SCEL: variants seen among roughly 807,000 people sequenced by gnomAD.
SCEL encodes sciellin.
A neutral mutation model predicts 117.6 loss-of-function variants in SCEL; 113 were observed. The ratio of observed to expected loss-of-function variants is 0.96; its 90% confidence interval spans 0.83 to 1.12. The LOEUF (loss-of-function observed/expected upper bound fraction) is 1.12. SCEL is among the 50% of genes most tolerant of loss of function. SCEL has a pLI of 0.00. For missense variants in SCEL, 785 were observed against 810.8 expected (o/e 0.97, Z 0.39); for synonymous variants, 270 against 256.2 (o/e 1.05, Z -0.51).
intron 1 of SCEL, among the ~76,000 whole-genome samples, chr13:77,541,795 G>A (rs943090367): frequency 1.3e-5 from 2 of 152,096 alleles, no homozygotes; most frequent in African/African-American, 4.8e-5. Context: ...AATATAGTGA[G>A]AAAGATTTAT....
intron 22 of SCEL, among the ~76,000 whole-genome samples, chr13:77,610,408 C>T (rs571798912): frequency 3.4e-5 from 5 of 147,204 alleles, no homozygotes; most frequent in African/African-American, 1.3e-4. Context: ...GCCGAGATGG[C>T]ACCACTGCAC....
At chr13:77,591,728 C>T (rs1450003409) in intron 11 of SCEL, among the ~76,000 whole-genome samples, 1 of 152,130 alleles carries the variant, frequency 6.6e-6, no homozygotes, top group Non-Finnish European at 1.5e-5. Context: ...GGAAAGCTTG[C>T]TCACCTCTTT....
intron 27 of SCEL, among the ~76,000 whole-genome samples, chr13:77,622,198 A>G (rs1174476005): frequency 6.6e-6 from 1 of 152,220 alleles, no homozygotes; most frequent in African/African-American, 2.4e-5. Context: ...GAAGACTCTT[A>G]ATTTTGTAAA....
At chr13:77,613,011 A>G in intron 23 of SCEL, 70 bp downstream of exon 23, 1 of 888,142 alleles carries the variant, frequency 1.1e-6, no homozygotes, top group Non-Finnish European at 1.8e-6. Context: ...AAGATTAATT[A>G]TTTAACTAAA....
At chr13:77,643,418 T>C (rs1480603151) in intron 32 of SCEL, among the ~76,000 whole-genome samples, 2 of 152,166 alleles carry the variant, frequency 1.3e-5, no homozygotes, top group Non-Finnish European at 2.9e-5. Context: ...TTAAGAGATG[T>C]GCACATTGTA....
intron 10 of SCEL, 42 bp downstream of exon 10, chr13:77,589,266 C>T (rs756784987): frequency 6.9e-7 from 1 of 1,457,898 alleles, no homozygotes; most frequent in South Asian, 1.2e-5. Flanking sequence ...AAATGAAGTT[C>T]AAGGGAAATG....
At chr13:77,632,810 A>G (rs2090085786) in intron 28 of SCEL, among the ~76,000 whole-genome samples, 1 of 152,268 alleles carries the variant, frequency 6.6e-6, no homozygotes, top group Non-Finnish European at 1.5e-5. Context: ...TTAGATTAGC[A>G]GAAATCTAGG....
At position 77,610,080 on chromosome 13, in the gene SCEL, T is replaced by G. The variant is rs1457149275; in HGVS notation, c.1311T>G (p.Thr437=). The G allele has an allele frequency of 1.3e-5, 21 of 1,610,608 alleles. No homozygotes were observed. Among genetic ancestry groups the G allele is most frequent in the Non-Finnish European group, 1.7e-5 (20 of 1,178,100 alleles). Reference sequence around the variant, plus strand: ...GTCTCGACAGCCTCATTAAAGTGACTCCTGAAAGAAACAGAACTAACCAAG... The same window carrying G: ...GTCTCGACAGCCTCATTAAAGTGACGCCTGAAAGAAACAGAACTAACCAAG... ...GQSLDSLIKV[T]PERNRTNQGN... is the part of the protein sequence containing the mutation. Residue 437 remains threonine, a synonymous_variant, in exon 22 of 33, where the codon ACT becomes ACG. Transcript: ENST00000349847.
intron 3 of SCEL, among the ~76,000 whole-genome samples, chr13:77,557,109 A>G (rs568883362): frequency 6.6e-6 from 1 of 152,326 alleles, no homozygotes; most frequent in East Asian, 1.9e-4. Flanking sequence ...TGTAATTCCA[A>G]ATTTAACATA....
intron 3 of SCEL, among the ~76,000 whole-genome samples, chr13:77,558,540 G>A (rs560145590): frequency 9.2e-5 from 14 of 152,204 alleles, no homozygotes; most frequent in African/African-American, 2.2e-4. Flanking sequence ...GAGGCCGGGC[G>A]TGGTGGATCA....
intron 15 of SCEL, among the ~76,000 whole-genome samples, chr13:77,600,932 T>C (rs924856905): frequency 6.6e-6 from 1 of 152,214 alleles, no homozygotes; most frequent in South Asian, 2.1e-4. Context: ...TCCAAACCAA[T>C]CTTGGCGATG....
intron 1 of SCEL, among the ~76,000 whole-genome samples, chr13:77,539,010 C>T (rs1418193036): frequency 6.6e-6 from 1 of 152,122 alleles, no homozygotes; most frequent in Non-Finnish European, 1.5e-5. Context: ...TCCCTATTGC[C>T]CTGCCCTCTC....
chr13:77,604,124 G>T lies in SCEL; in HGVS notation c.1098-232G>T, dbSNP rs965076734. 1.8e-5 allele frequency: 6 copies of T among 331,344 alleles called. No homozygotes were observed. The Admixed American group carries it at 2.5e-4, about 14-fold the overall frequency. 20.5% of individuals were successfully genotyped at this position (331,344 alleles called of 1,614,324 possible). A position where few individuals can be genotyped will look rare whatever the true frequency, so the allele number is the denominator to read the frequency against. On this transcript the variant is annotated intron_variant, in intron 18 of 32. Transcript: ENST00000349847. Reference sequence around the variant, plus strand: ...AATAACAAGTTTCATATATACTTAGGTATTCTGAGAACAAAACAAAAAATC... The same window carrying T: ...AATAACAAGTTTCATATATACTTAGTTATTCTGAGAACAAAACAAAAAATC...
chr13:77,581,463 A>C (rs1400257370), intron 9 of SCEL, among the ~76,000 whole-genome samples: 2 of 152,204 alleles, frequency 1.3e-5, no homozygotes, highest in African/African-American at 4.8e-5. Flanking sequence ...TTTGAACAAC[A>C]AATGCAAAGC....
intron 1 of SCEL, among the ~76,000 whole-genome samples, chr13:77,551,344 G>A (rs906708098): frequency 1.3e-5 from 2 of 152,172 alleles, no homozygotes; most frequent in African/African-American, 4.8e-5. Flanking sequence ...CACAGATCAA[G>A]GGCAGTGTAG....
chr13:77,607,072 G>T (rs2088259771), intron 19 of SCEL, among the ~76,000 whole-genome samples: 1 of 152,186 alleles, frequency 6.6e-6, no homozygotes, highest in Non-Finnish European at 1.5e-5. Flanking sequence ...ACAGGGTCTT[G>T]CTGTGTCCCA....
chr13:77,572,278 G>A, intron 9 of SCEL, 89 bp downstream of exon 9: 1 of 1,087,040 alleles, frequency 9.2e-7, no homozygotes, highest in Non-Finnish European at 1.4e-6. Context: ...GATGTTTTGG[G>A]ATAAATTGGA....
chr13:77,613,855 A>C (rs1284692854), intron 23 of SCEL, 38 bp from the exon 24 acceptor site: 3 of 1,521,152 alleles, frequency 2.0e-6, no homozygotes, highest in South Asian at 2.3e-5. Flanking sequence ...AAGAAATGCC[A>C]GTATGAAATT....
At chr13:77,543,400 A>G (rs1029052345) in intron 1 of SCEL, among the ~76,000 whole-genome samples, 1 of 151,536 alleles carries the variant, frequency 6.6e-6, no homozygotes, top group Non-Finnish European at 1.5e-5. Context: ...GCTTTTTTAT[A>G]TTCTCCATCA....
Sources: gnomAD v4.1 joint callset for allele counts (sites outside exome capture counted in the v4.1 genomes callset) on GRCh38, gnomAD v4.1.1 for gene constraint, MANE v1.5 for transcripts, NCBI Gene and HGNC (gene_info 2026-07-23, HGNC 2026-07-21) for gene names.